Variants in RBKS observed in about 807,000 individuals in gnomAD.
The protein encoded by RBKS is ribokinase.
In RBKS, 33 loss-of-function variants were observed where a neutral mutation model predicts 33.9. The ratio of observed to expected loss-of-function variants is 0.97; its 90% CI spans 0.74 to 1.30. The LOEUF (loss-of-function observed/expected upper bound fraction) is 1.30, where lower values mean the gene tolerates loss of function less well. Among genes scored for constraint, RBKS ranks in the 50% most tolerant of loss-of-function variants. The pLI is 0.00. For synonymous variants in RBKS, 125 were observed against 143.0 expected (o/e 0.87, Z 0.90); for missense variants, 361 against 392.6 (o/e 0.92, Z 0.68).
At chr2:27,814,620 C>T (rs919908420) in intron 7 of RBKS, among the ~76,000 whole-genome samples, 1 of 152,108 alleles carries the variant, frequency 6.6e-6, no homozygotes, top group Non-Finnish European at 1.5e-5. Flanking sequence ...AAAGATTTTC[C>T]TAATTGGGAA....
intron 7 of RBKS, chr2:27,782,435 C>T (rs1677306382): frequency 4.4e-6 from 1 of 225,322 alleles, no homozygotes; most frequent in East Asian, 1.0e-4. Flanking sequence ...CCTCCTGCCT[C>T]AGCATCCCAA....
chr2:27,800,181 T>C (rs1337125730), intron 7 of RBKS, among the ~76,000 whole-genome samples: 2 of 151,672 alleles, frequency 1.3e-5, no homozygotes, highest in Admixed American at 6.6e-5. Context: ...GCCTCCTGAG[T>C]AGCTGGGACT....
intron 7 of RBKS, among the ~76,000 whole-genome samples, chr2:27,821,471 A>G (rs1203776781): frequency 6.6e-6 from 1 of 152,200 alleles, no homozygotes; most frequent in Non-Finnish European, 1.5e-5. Context: ...TCAAAAGTGT[A>G]TGACTATGCA....
chr2:27,858,323 T>C, intron 2 of RBKS, 116 bp downstream of exon 2: 1 of 960,520 alleles, frequency 1.0e-6, no homozygotes, highest in Non-Finnish European at 1.5e-6. Context: ...ACTCTATGTA[T>C]TACATGCCAC....
intron 2 of RBKS, among the ~76,000 whole-genome samples, chr2:27,849,655 C>G (rs1169503062): frequency 6.6e-6 from 1 of 151,114 alleles, no homozygotes; most frequent in African/African-American, 2.4e-5. Flanking sequence ...AACCCTGAAC[C>G]ACTGAACTAT....
At chr2:27,887,028 A>T (rs2148235607) in intron 1 of RBKS, among the ~76,000 whole-genome samples, 1 of 152,330 alleles carries the variant, frequency 6.6e-6, no homozygotes, top group Admixed American at 6.5e-5. Flanking sequence ...AAATCCCCAG[A>T]ATTTGTGAAT....
intron 1 of RBKS, among the ~76,000 whole-genome samples, chr2:27,865,331 C>A (rs1664076669): frequency 7.8e-6 from 1 of 128,738 alleles, no homozygotes; most frequent in South Asian, 2.6e-4. Context: ...AACAAACAAA[C>A]AAACAAACAA....
At chr2:27,851,775 G>A (rs1296372476) in intron 2 of RBKS, among the ~76,000 whole-genome samples, 1 of 152,062 alleles carries the variant, frequency 6.6e-6, no homozygotes, top group African/African-American at 2.4e-5. Flanking sequence ...CTGACCTCAG[G>A]TGATCTGCCC....
At chr2:27,808,099 G>A (rs930981195) in intron 7 of RBKS, among the ~76,000 whole-genome samples, 10 of 152,208 alleles carry the variant, frequency 6.6e-5, no homozygotes, top group African/African-American at 2.2e-4. Flanking sequence ...TGAGGCTAAA[G>A]CCTTCTTTCA....
chr2:27,789,947 G>GTGTATATATATATATATGTATATA (rs1677484159), intron 7 of RBKS, among the ~76,000 whole-genome samples: 2 of 95,154 alleles, frequency 2.1e-5, no homozygotes, highest in Non-Finnish European at 4.0e-5. Context: ...ATATGTATAT[G>GTGTATATATATATATATGTATATA]TGTATATATA....
chr2:27,783,425 A>G (rs1195336437), intron 7 of RBKS, among the ~76,000 whole-genome samples: 1 of 152,234 alleles, frequency 6.6e-6, no homozygotes, highest in African/African-American at 2.4e-5. Flanking sequence ...AACCAAATAT[A>G]GGGACACATC....
intron 7 of RBKS, among the ~76,000 whole-genome samples, chr2:27,785,187 A>G (rs760700453): frequency 7.9e-5 from 12 of 152,248 alleles, no homozygotes; most frequent in Non-Finnish European, 1.8e-4. Flanking sequence ...GTCAGTAAAC[A>G]CAAAAAGACA....
At chr2:27,818,740 C>G (rs1333845855) in intron 7 of RBKS, among the ~76,000 whole-genome samples, 1 of 152,190 alleles carries the variant, frequency 6.6e-6, no homozygotes, top group Non-Finnish European at 1.5e-5. Flanking sequence ...AATCTAATTT[C>G]AGAGGCTAAT....
intron 7 of RBKS, among the ~76,000 whole-genome samples, chr2:27,785,482 C>G (rs1677379718): frequency 6.6e-6 from 1 of 152,036 alleles, no homozygotes; most frequent in Non-Finnish European, 1.5e-5. Context: ...GTGTAACGCT[C>G]GGATGGGTGC....
intron 7 of RBKS, among the ~76,000 whole-genome samples, chr2:27,791,601 C>T (rs1677521132): frequency 6.9e-6 from 1 of 145,756 alleles, no homozygotes; most frequent in Non-Finnish European, 1.5e-5. Flanking sequence ...GTGTCAATTC[C>T]CATAATAAAT....
At chr2:27,877,895 A>C (rs1364441429) in intron 1 of RBKS, among the ~76,000 whole-genome samples, 1 of 152,214 alleles carries the variant, frequency 6.6e-6, no homozygotes, top group East Asian at 1.9e-4. Context: ...CCTGTCTTCA[A>C]GAAGAATGCC....
chr2:27,862,546 T>C (rs1434737952), intron 1 of RBKS, among the ~76,000 whole-genome samples: 11 of 152,228 alleles, frequency 7.2e-5, no homozygotes, highest in East Asian at 1.9e-4. Context: ...AGAGCCTTAC[T>C]GAATGCTGCT....
intron 5 of RBKS, among the ~76,000 whole-genome samples, chr2:27,840,356 G>GCA (rs1395574523): frequency 0.025 from 3,047 of 121,616 alleles, 101 homozygotes; most frequent in African/African-American, 0.076. Flanking sequence ...ACACACACAC[G>GCA]CGCGCGCGCA....
chr2:27,805,493 C>T (rs1677878473), intron 7 of RBKS, among the ~76,000 whole-genome samples: 1 of 152,202 alleles, frequency 6.6e-6, no homozygotes, highest in Non-Finnish European at 1.5e-5. Flanking sequence ...ACATAGTTGG[C>T]CCTGATGGCT....
Sources: gnomAD v4.1 joint callset for allele counts (sites outside exome capture counted in the v4.1 genomes callset) on GRCh38, gnomAD v4.1.1 for gene constraint, MANE v1.5 for transcripts, NCBI Gene and HGNC (gene_info 2026-07-23, HGNC 2026-07-21) for gene names.